LTBP4: variants seen among roughly 807,000 people sequenced by gnomAD.
LTBP4 encodes latent transforming growth factor beta binding protein 4.
A neutral mutation model predicts 180.2 loss-of-function variants in LTBP4; 93 were observed. The ratio of observed to expected loss-of-function variants is 0.52; its 90% confidence interval spans 0.44 to 0.61. LTBP4 has a LOEUF of 0.61. Ranked by LOEUF, LTBP4 falls within the 20% of genes least tolerant of loss-of-function variation. The probability of loss-of-function intolerance (pLI) is 0.00; values close to 1 mark genes in which losing one functional copy is unlikely to be tolerated. For missense variants in LTBP4, 2,116 were observed against 2,256.5 expected (o/e 0.94, Z 1.26); for synonymous variants, 947 against 934.5 (o/e 1.01, Z -0.24).
In LTBP4 at chr19:40,606,462, C is replaced by T; in HGVS notation, c.927C>T (p.Arg309=). The T allele has an allele frequency of 1.3e-6, 2 of 1,584,540 alleles. No individual in the cohort carries two copies. Among genetic ancestry groups the T allele is most frequent in the South Asian group, 1.2e-5 (1 of 86,746 alleles). Residue 309 remains arginine (R), a synonymous_variant, in exon 6 of 30, where the codon CGC becomes CGT. Coordinates refer to ENST00000396819, the MANE Select transcript of LTBP4 (RefSeq NM_001042545.2). ...RCQHGECANT[R]GGYTCVCPDG... ...AGCACGGCGAGTGTGCAAACACGCG[C>T]GGCGGGTACACGTGTGTGTGCCCCG... is the stretch of plus-strand genomic sequence containing the variant.
intron 1 of LTBP4, chr19:40,593,189 C>T: frequency 6.2e-7 from 1 of 1,613,770 alleles, no homozygotes; most frequent in Non-Finnish European, 8.5e-7. Context: ...AAGGTGAGTG[C>T]CTCTGAAACC....
At chr19:40,595,153 T>C (rs780510979) in intron 1 of LTBP4, among the ~76,000 whole-genome samples, 15 of 152,072 alleles carry the variant, frequency 9.9e-5, no homozygotes, top group Non-Finnish European at 1.9e-4. Flanking sequence ...CTTGGGATCC[T>C]ACATGTGGTC....
chr19:40,610,092 G>C lies in LTBP4; in HGVS notation c.1684+221G>C, dbSNP rs1459272354. 2.8e-5 allele frequency: 17 copies of C among 597,408 alleles called. No individual in the cohort carries two copies. The Admixed American group carries it at 4.7e-4, about 16-fold the overall frequency. 37.0% of individuals were successfully genotyped at this position (597,408 alleles called of 1,614,324 possible). ...AGCTCCCAAACTGCCAGTTTCTATC[G>C]GGGCCTGGTCGCAACTCGTATTGCT... On this transcript the variant is annotated intron_variant, in intron 11 of 29. Transcript: ENST00000396819.
chr19:40,606,586 G>A, intron 6 of LTBP4, 60 bp downstream of exon 6: 1 of 1,526,446 alleles, frequency 6.6e-7, no homozygotes. Flanking sequence ...AGAAGTCCCA[G>A]AGCATCCTGG....
chr19:40,607,725 A>G (rs975677365), intron 7 of LTBP4, among the ~76,000 whole-genome samples, 196 bp downstream of exon 7: 8 of 151,756 alleles, frequency 5.3e-5, no homozygotes, highest in African/African-American at 1.9e-4. Flanking sequence ...AGCCACAGCC[A>G]CCCCTCCATT....
upstream of LTBP4, chr19:40,599,377 C>T (rs2081408013): frequency 6.2e-7 from 1 of 1,609,824 alleles, no homozygotes; most frequent in African/African-American, 1.3e-5. Context: ...TAGAGAAGTA[C>T]TTGGTCCCCT....
Position 40,629,234 on chromosome 19 carries a change from A to T in LTBP4, c.4520-162A>T. On this transcript the variant is annotated intron_variant, in intron 29 of 29. Coordinates refer to ENST00000396819, the MANE Select transcript of LTBP4 (RefSeq NM_001042545.2). This position sits in a 1 kb window ranked among gnomAD's most constrained non-coding sequence, Gnocchi z 4.5. ...CACGAAACTGAAGCACAGTGAGGTTAAGCCACCTGGCCGGGCTCACACAGT... is the reference window on the plus strand; with the variant it reads ...CACGAAACTGAAGCACAGTGAGGTTTAGCCACCTGGCCGGGCTCACACAGT... The T allele has an allele frequency of 3.7e-6, 3 of 801,362 alleles. No individual in the cohort carries two copies. Among genetic ancestry groups the T allele is most frequent in the Non-Finnish European group, 6.1e-6 (3 of 492,966 alleles). The allele number at this position is 801,362 out of a possible 1,614,324, so 49.6% of individuals were successfully genotyped here. A position where few individuals can be genotyped will look rare whatever the true frequency, so the allele number is the denominator to read the frequency against.
rs2081661288 is a variant in LTBP4, at chr19:40,629,443, A to C, written c.4567A>C (p.Asn1523His). The C allele has an allele frequency of 6.2e-7, 1 of 1,612,582 alleles. No homozygotes were observed. Among genetic ancestry groups the C allele is most frequent in the Non-Finnish European group, 8.5e-7 (1 of 1,179,440 alleles). ...EAEAASPLCVNARCLNTDGSF... is the reference protein window; with the variant it reads ...EAEAASPLCVHARCLNTDGSF... Reference sequence around the variant, plus strand: ...CGAGGCTGCCTCCCCGCTGTGCGTCAACGCGCGTTGCCTCAACACGGATGG... The same window carrying C: ...CGAGGCTGCCTCCCCGCTGTGCGTCCACGCGCGTTGCCTCAACACGGATGG... The change falls in exon 30 of 30, where the codon AAC becomes CAC. Residue 1523 changes from asparagine to histidine, a missense_variant. By Grantham distance (68) the Asn-to-His change is moderately conservative. Transcript: ENST00000396819. This position sits in a 1 kb window ranked among gnomAD's most constrained non-coding sequence, Gnocchi z 4.5.
upstream of LTBP4, chr19:40,599,550 C>T: frequency 6.2e-7 from 1 of 1,608,422 alleles, no homozygotes; most frequent in Non-Finnish European, 8.5e-7. Flanking sequence ...AACTGGCAGC[C>T]ACTGACGTGA....
At chr19:40,603,910 C>G (rs2146019035) in intron 1 of LTBP4, among the ~76,000 whole-genome samples, 1 of 152,388 alleles carries the variant, frequency 6.6e-6, no homozygotes, top group East Asian at 1.9e-4. Context: ...TTTGTTTACC[C>G]CGCCGCACAG....
Position 40,601,397 on chromosome 19 carries a change from G to T in LTBP4, c.10G>T (p.Gly4Cys). Residue 4 changes from glycine (G) to cysteine (C), a missense_variant, in exon 1 of 30, where the codon GGC becomes TGC. Gly to Cys is a radical substitution (Grantham distance 159, BLOSUM62 -3). Transcript: ENST00000396819. Reference sequence around the variant, plus strand: ...GCGCGGCGCTGCAGCCATGGCGGGCGGCGTGCGGCTGCTCTGGGTGTCGCT... The same window carrying T: ...GCGCGGCGCTGCAGCCATGGCGGGCTGCGTGCGGCTGCTCTGGGTGTCGCT... MAGGVRLLWVSLLV... is the reference protein window; with the variant it reads MAGCVRLLWVSLLV... The T allele has an allele frequency of 7.7e-7, 1 of 1,297,752 alleles. No individual in the cohort carries two copies. Among genetic ancestry groups the T allele is most frequent in the Non-Finnish European group, 9.8e-7 (1 of 1,017,478 alleles). 80.4% of individuals were successfully genotyped at this position (1,297,752 alleles called of 1,614,324 possible).
chr19:40,596,624 G>A (rs1208015913), upstream of LTBP4, among the ~76,000 whole-genome samples: 2 of 152,120 alleles, frequency 1.3e-5, no homozygotes, highest in Non-Finnish European at 2.9e-5. Flanking sequence ...GAAGCCCAGG[G>A]TCTTGAGAAG....
chr19:40,597,740 G>A (rs2081398675), upstream of LTBP4, among the ~76,000 whole-genome samples: 1 of 152,014 alleles, frequency 6.6e-6, no homozygotes, highest in South Asian at 2.1e-4. Context: ...AAGTTTCTTG[G>A]GCGCGTAAGG....
chr19:40,602,182 TGGCGGCGGGG>T (rs2081428856), intron 1 of LTBP4, among the ~76,000 whole-genome samples: 1 of 29,878 alleles, frequency 3.3e-5, no homozygotes, highest in Admixed American at 5.2e-4. Flanking sequence ...TGTGTGTGTG[TGGCGGCGGGG>T]GTGGGGTGGG....
chr19:40,595,454 C>CA (rs2081385005), intron 1 of LTBP4, among the ~76,000 whole-genome samples: 1 of 184 alleles, frequency 5.4e-3, no homozygotes, highest in African/African-American at 0.025. Flanking sequence ...GATCTGCTCC[C>CA]AGGGGGTCCT....
Position 40,623,672 on chromosome 19 carries a change from G to C in LTBP4, c.3625G>C (p.Gly1209Arg), listed in dbSNP as rs1242714390. ...KSGVCVNTAP[G>R]YSCYCSNGYY... ...TGGCGTGTGTGTGAACACGGCCCCG[G>C]GCTACTCATGCTATTGCAGCAACGG... The change falls in exon 25 of 30, where the codon GGC becomes CGC. Residue 1209 changes from glycine (G) to arginine (R), a missense_variant. Gly to Arg is a moderately radical substitution (Grantham distance 125). Transcript: ENST00000396819. The C allele has an allele frequency of 7.4e-6, 12 of 1,613,728 alleles. No individual in the cohort carries two copies. The highest frequency in any genetic ancestry group is 2.7e-5 in the African/African-American group (2 of 74,880).
intron 28 of LTBP4, among the ~76,000 whole-genome samples, 151 bp downstream of exon 28, chr19:40,627,506 G>T (rs901230330): frequency 1.3e-5 from 2 of 152,176 alleles, no homozygotes; most frequent in Non-Finnish European, 1.5e-5. Context: ...CTATAGCCCG[G>T]CAAAGAAAGA....
intron 6 of LTBP4, among the ~76,000 whole-genome samples, chr19:40,606,807 G>T (rs1017364583): frequency 3.3e-5 from 5 of 152,298 alleles, no homozygotes; most frequent in Middle Eastern, 3.4e-3. Flanking sequence ...GAGTGCAGTG[G>T]CGCGATCTCG....
chr19:40,600,651 C>T (rs1034164116), upstream of LTBP4, among the ~76,000 whole-genome samples: 3 of 152,160 alleles, frequency 2.0e-5, no homozygotes, highest in Non-Finnish European at 2.9e-5. The surrounding 1 kb of genome is among the most constrained non-coding windows in gnomAD (Gnocchi z 4.4). Flanking sequence ...CAAACACCCT[C>T]AAAACCCTCC....
Sources: allele counts gnomAD v4.1 joint callset (sites outside exome capture counted in the v4.1 genomes callset), GRCh38; gene constraint gnomAD v4.1.1; non-coding constraint Gnocchi (gnomAD v3.1); transcripts MANE v1.5; gene names NCBI Gene and HGNC (gene_info 2026-07-23, HGNC 2026-07-21).